Variants in ZDHHC11 observed in about 807,000 individuals in gnomAD.
ZDHHC11 encodes zDHHC palmitoyltransferase 11.
A neutral mutation model predicts 51.3 loss-of-function variants in ZDHHC11; 44 were observed. The observed-to-expected ratio is 0.86, with a 90% CI of 0.67 to 1.10. The LOEUF is 1.10. ZDHHC11 is among the 50% of genes least tolerant of loss of function. The probability of loss-of-function intolerance (pLI) is 0.00; values close to 1 mark genes in which losing one functional copy is unlikely to be tolerated. For missense variants in ZDHHC11, 400 were observed against 537.7 expected, an observed-to-expected ratio of 0.74 and a Z score of 2.53; for synonymous variants, 163 against 222.0, an observed-to-expected ratio of 0.73 and a Z score of 2.36.
intron 12 of ZDHHC11, among the ~76,000 whole-genome samples, chr5:798,409 G>A (rs1291432334): frequency 2.0e-5 from 3 of 151,640 alleles, no homozygotes; most frequent in East Asian, 2.0e-4. Context: ...ACGGACACGC[G>A]CACGCGTGCA....
chr5:799,372 A>G, intron 12 of ZDHHC11, among the ~76,000 whole-genome samples: 1 of 151,380 alleles, frequency 6.6e-6, no homozygotes, highest in Admixed American at 6.6e-5. Context: ...TCAATCTTCA[A>G]CTTTTCAGCC....
intron 10 of ZDHHC11, among the ~76,000 whole-genome samples, chr5:817,521 G>A (rs184300291): frequency 7.3e-5 from 11 of 151,446 alleles, no homozygotes; most frequent in Admixed American, 6.6e-4. Context: ...TAATTTGTTT[G>A]AAACAGACCT....
chr5:806,818 C>T (rs1233191087), intron 11 of ZDHHC11, among the ~76,000 whole-genome samples: 2 of 151,298 alleles, frequency 1.3e-5, no homozygotes, highest in South Asian at 4.2e-4. Context: ...CCACAATAAG[C>T]CACCAGTTCA....
rs1737520021 is a variant in ZDHHC11 at position 795,980 on chromosome 5, G to GCTCCCATTTCTCAGTAGTGTA, written c.*587_*607dup. On this transcript the variant is annotated 3_prime_UTR_variant, in exon 13 of 13. Coordinates refer to ENST00000283441, the MANE Select transcript of ZDHHC11 (RefSeq NM_024786.3). ...CTGTATGCCCATTTCCCAGTACTGT[G>GCTCCCATTTCTCAGTAGTGTA]CTCCCATTTCTCAGTAGTGTACTCC... The GCTCCCATTTCTCAGTAGTGTA allele has an allele frequency of 9.4e-5, 4 of 42,330 alleles. No individual in the cohort carries two copies. The highest frequency in any genetic ancestry group is 6.2e-4 in the Non-Finnish European group (4 of 6,458). The allele number at this position is 42,330 out of a possible 1,614,324, so 2.6% of individuals were successfully genotyped here.
chr5:806,402 T>TA (rs1158912650), intron 11 of ZDHHC11, among the ~76,000 whole-genome samples: 1 of 151,210 alleles, frequency 6.6e-6, no homozygotes, highest in Admixed American at 6.6e-5. Flanking sequence ...CAACCAAAGA[T>TA]AAAGTCTTAG....
intron 10 of ZDHHC11, among the ~76,000 whole-genome samples, chr5:817,893 C>T (rs1291855454): frequency 6.6e-6 from 1 of 151,380 alleles, no homozygotes; most frequent in African/African-American, 2.4e-5. Flanking sequence ...CTGTCTGCAG[C>T]CCTGGGCCCT....
rs1265216661 is a variant in ZDHHC11, at chr5:841,681, G to T, written c.629-1031C>A. ...ATAGAACAGGAAAGCCACAGCTCTC[G>T]CCTGGGGTCATTTCTAAGATATGGT... On this transcript the variant is annotated intron_variant, in intron 4 of 12. Coordinates refer to ENST00000283441, the MANE Select transcript of ZDHHC11 (RefSeq NM_024786.3). The T allele has an allele frequency of 3.3e-5, 33 of 990,704 alleles. No homozygotes were observed. The African/African-American group carries it at 5.6e-4, about 17-fold the overall frequency. The allele number at this position is 990,704 out of a possible 1,614,324, so 61.4% of individuals were successfully genotyped here.
In ZDHHC11 at chr5:823,937, C is replaced by T; in HGVS notation, c.1023+1227G>A. ...GGTGGGCTGGGGGCTCAATCGATTT[C>T]CACCGAGTGTGTCTCCAAATCTTTG... On this transcript the variant is annotated intron_variant, in intron 8 of 12. Coordinates refer to ENST00000283441, the MANE Select transcript of ZDHHC11 (RefSeq NM_024786.3). 9.9e-6 allele frequency: 4 copies of T among 402,154 alleles called. 1 individual carries two copies. Among genetic ancestry groups the T allele is most frequent in the Non-Finnish European group, 2.0e-5 (4 of 196,208 alleles). The allele number at this position is 402,154 out of a possible 1,614,324, so 24.9% of individuals were successfully genotyped here. A position where few individuals can be genotyped will look rare whatever the true frequency, so the allele number is the denominator to read the frequency against.
intron 11 of ZDHHC11, among the ~76,000 whole-genome samples, chr5:811,307 C>G (rs66954194): frequency 0.071 from 6,953 of 98,152 alleles, 47 homozygotes; most frequent in East Asian, 0.12. Flanking sequence ...TCAAAGAAAA[C>G]CAGTTTACAA....
At chr5:824,334 G>C (rs1379418350) in intron 8 of ZDHHC11, among the ~76,000 whole-genome samples, 1 of 151,378 alleles carries the variant, frequency 6.6e-6, no homozygotes, top group African/African-American at 2.4e-5. Context: ...GGTGGCATAC[G>C]CTTGTACTTT....
chr5:853,073 C>A (rs191813337), upstream of ZDHHC11, among the ~76,000 whole-genome samples: 1 of 146,234 alleles, frequency 6.8e-6, no homozygotes, highest in East Asian at 2.1e-4. Flanking sequence ...GTGGACAGAC[C>A]CCATGGAGGA....
At chr5:830,075 A>C in intron 7 of ZDHHC11, among the ~76,000 whole-genome samples, 1 of 142,176 alleles carries the variant, frequency 7.0e-6, no homozygotes, top group East Asian at 2.0e-4. Context: ...TCAGAACTGG[A>C]ATAAGACAAG....
chr5:859,259 C>T (rs926294428), upstream of ZDHHC11, among the ~76,000 whole-genome samples: 3 of 152,146 alleles, frequency 2.0e-5, no homozygotes, highest in African/African-American at 7.2e-5. Flanking sequence ...TGCCTTCCCA[C>T]CTGCTTAGCC....
At chr5:843,119 G>A (rs1167376003) in intron 4 of ZDHHC11, among the ~76,000 whole-genome samples, 122 of 151,808 alleles carry the variant, frequency 8.0e-4, no homozygotes, top group African/African-American at 2.7e-3. Flanking sequence ...TGTGAGCATC[G>A]GTTCCCGAGG....
intron 3 of ZDHHC11, among the ~76,000 whole-genome samples, chr5:846,893 C>T (rs1370324747): frequency 1.3e-5 from 2 of 149,888 alleles, no homozygotes; most frequent in African/African-American, 2.5e-5. Context: ...AGTGGAAACA[C>T]CTCTCATCCT....
intron 5 of ZDHHC11, among the ~76,000 whole-genome samples, chr5:839,164 TAA>T (rs1424838715): frequency 1.0e-5 from 1 of 96,848 alleles, no homozygotes; most frequent in Non-Finnish European, 2.1e-5. Context: ...TATTTAAATA[TAA>T]GAGAGATTGC....
chr5:804,871 C>T (rs1448346669), intron 11 of ZDHHC11, among the ~76,000 whole-genome samples: 1 of 151,022 alleles, frequency 6.6e-6, no homozygotes, highest in Non-Finnish European at 1.5e-5. Flanking sequence ...ATTATTTAGT[C>T]CTAAATGAAG....
chr5:809,004 C>CAG (rs1739708102), intron 11 of ZDHHC11, among the ~76,000 whole-genome samples: 6 of 144,868 alleles, frequency 4.1e-5, no homozygotes, highest in Middle Eastern at 3.4e-3. Context: ...CACACACACA[C>CAG]ACACACACAC....
intron 11 of ZDHHC11, among the ~76,000 whole-genome samples, chr5:811,915 A>G (rs1255863842): frequency 7.2e-6 from 1 of 138,762 alleles, no homozygotes; most frequent in Non-Finnish European, 1.5e-5. Context: ...GGTTTAGGAC[A>G]CAGATCCACA....
Sources: gnomAD v4.1 joint callset for allele counts (sites outside exome capture counted in the v4.1 genomes callset) on GRCh38, gnomAD v4.1.1 for gene constraint, MANE v1.5 for transcripts, NCBI Gene and HGNC (gene_info 2026-07-23, HGNC 2026-07-21) for gene names.